CCDC57: variants seen among roughly 807,000 people sequenced by gnomAD.
The protein encoded by CCDC57 is coiled-coil domain-containing protein 57.
A neutral mutation model predicts 118.9 loss-of-function variants in CCDC57; 118 were observed. The observed-to-expected ratio is 0.99, with a 90% CI of 0.86 to 1.16. The LOEUF (loss-of-function observed/expected upper bound fraction) is 1.16. CCDC57 is among the 50% of genes most tolerant of loss of function. The pLI is 0.00. For missense variants in CCDC57, 1,300 were observed against 1,320.7 expected (o/e 0.98, Z 0.24); for synonymous variants, 527 against 532.9 (o/e 0.99, Z 0.15).
intron 19 of CCDC57, among the ~76,000 whole-genome samples, chr17:82,104,537 A>T (rs1236245110): frequency 1.3e-5 from 2 of 151,974 alleles, no homozygotes; most frequent in East Asian, 1.9e-4. Context: ...AGGGTTTTTT[A>T]AATTTTTATT....
chr17:82,206,595 ATCTCCCCTTACG>A (rs2049680154), intron 2 of CCDC57, among the ~76,000 whole-genome samples: 1 of 151,912 alleles, frequency 6.6e-6, no homozygotes, highest in Non-Finnish European at 1.5e-5. Flanking sequence ...CTTCCCCCAT[ATCTCCCCTTACG>A]CATCTCCTCA....
chr17:82,212,392 CCTCTCTTTTTTTT>C lies in CCDC57; in HGVS notation c.-211+380_-211+392del, dbSNP rs1213412559. 5.8e-5 allele frequency among the ~76,000 whole-genome samples: 1 copy of C among 17,212 alleles called. No homozygotes were observed. Among genetic ancestry groups the C allele is most frequent in the African/African-American group, 4.2e-4 (1 of 2,378 alleles). 11.3% of individuals were successfully genotyped at this position (17,212 alleles called of 152,430 possible). A position where few individuals can be genotyped will look rare whatever the true frequency, so the allele number is the denominator to read the frequency against. On this transcript the variant is annotated intron_variant, in intron 1 of 19. Transcript: ENST00000665763. This position sits in a 1 kb window ranked among gnomAD's most constrained non-coding sequence, Gnocchi z 4.1. ...ACCACCGCCTCCGGCCTTTTTTTTT[CCTCTCTTTTTTTT>C]TTTTTTTTTTTAAACTCACAGACAC...
chr17:82,144,409 T>A (rs2040438684), intron 16 of CCDC57, among the ~76,000 whole-genome samples: 1 of 152,140 alleles, frequency 6.6e-6, no homozygotes, highest in Admixed American at 6.5e-5. Context: ...TAGCATGTAC[T>A]CCCCACAGAC....
chr17:82,175,711 C>T (rs1233779101), intron 11 of CCDC57: 3 of 152,228 alleles, frequency 2.0e-5, no homozygotes, highest in Non-Finnish European at 2.9e-5. Context: ...CGGAACACGT[C>T]GTCAGGACCT....
chr17:82,146,862 C>T (rs142335194), intron 16 of CCDC57, among the ~76,000 whole-genome samples: 13 of 152,296 alleles, frequency 8.5e-5, no homozygotes, highest in African/African-American at 2.4e-4. Flanking sequence ...TGCACACAAA[C>T]GCTTGTGCAG....
intron 19 of CCDC57, among the ~76,000 whole-genome samples, chr17:82,122,452 T>TG (rs1314960993): frequency 6.6e-6 from 1 of 151,990 alleles, no homozygotes; most frequent in East Asian, 1.9e-4. Flanking sequence ...GGAGGGCAGG[T>TG]GCTCGTGGTT....
intron 16 of CCDC57, among the ~76,000 whole-genome samples, chr17:82,134,627 C>T (rs1010566141): frequency 6.6e-6 from 1 of 152,056 alleles, no homozygotes; most frequent in Non-Finnish European, 1.5e-5. Flanking sequence ...AACTCCGTCT[C>T]TACTAAAAAT....
chr17:82,152,998 G>A (rs2042243729), intron 15 of CCDC57, among the ~76,000 whole-genome samples: 1 of 152,240 alleles, frequency 6.6e-6, no homozygotes, highest in African/African-American at 2.4e-5. Context: ...GACGGGTGCA[G>A]GGCAGCCCCC....
In CCDC57 at chr17:82,178,569, G is replaced by A. The variant is rs759481885; in HGVS notation, c.1411C>T (p.Gln471Ter). 3 of 1,613,214 alleles carry A rather than the reference G, an allele frequency of 1.9e-6. No homozygotes were observed. The highest frequency in any genetic ancestry group is 1.7e-5 in the Admixed American group (1 of 59,992). ...GCCTTCAGCACCACCTCCTGCTCCT[G>A]TAGCGCCTGCTCTGTCTCCTGCAGC... The change falls in exon 11 of 20, where the codon CAG (glutamine) becomes TAG (stop). Residue 471 changes from glutamine to a stop codon, truncating the protein, a stop_gained. Coordinates refer to ENST00000665763, the Ensembl canonical transcript of CCDC57. LOFTEE classifies it high-confidence loss of function.
rs546751130 is a variant in CCDC57 at position 82,118,555 on chromosome 17, T to C, written c.2899+9137A>G. On this transcript the variant is annotated intron_variant, in intron 19 of 19. Coordinates refer to ENST00000665763, the Ensembl canonical transcript of CCDC57. This position sits in a 1 kb window ranked among gnomAD's most constrained non-coding sequence, Gnocchi z 4.7. ...CCTGTACCGGCTCCTGAAAGGACAT[T>C]TGGGCACTTGATACACACCCATAAG... is the stretch of plus-strand genomic sequence containing the variant. Among the ~76,000 whole-genome samples, 1 of 152,154 alleles carries C rather than the reference T, an allele frequency of 6.6e-6. No individual in the cohort carries two copies. Among genetic ancestry groups the C allele is most frequent in the Admixed American group, 6.5e-5 (1 of 15,270 alleles).
In CCDC57 at chr17:82,187,111, C is replaced by T. The variant is rs550756681; in HGVS notation, c.1052+1108G>A. On this transcript the variant is annotated intron_variant, in intron 8 of 19. Coordinates refer to ENST00000665763, the Ensembl canonical transcript of CCDC57. ...AATTAGCCGGGCATAGTGGTATATG[C>T]CCGTAATGCCAGCTACTTGGGAGGC... Among the ~76,000 whole-genome samples, 7 of 151,576 alleles carry T rather than the reference C, an allele frequency of 4.6e-5. No homozygotes were observed. In the South Asian group the frequency reaches 1.3e-3, roughly 27 times the overall value.
intron 2 of CCDC57, among the ~76,000 whole-genome samples, chr17:82,203,082 T>C (rs1483079598): frequency 6.6e-6 from 1 of 152,174 alleles, no homozygotes; most frequent in Non-Finnish European, 1.5e-5. Flanking sequence ...TGGGAGGTGT[T>C]TGGATCATGT....
intron 19 of CCDC57, among the ~76,000 whole-genome samples, chr17:82,111,685 CA>C (rs2035261998): frequency 6.6e-6 from 1 of 152,098 alleles, no homozygotes; most frequent in African/African-American, 2.4e-5. Context: ...CGGCTCACTG[CA>C]ACCTCTAGCT....
chr17:82,132,905 G>A (rs1426758510), intron 17 of CCDC57, among the ~76,000 whole-genome samples: 1 of 151,890 alleles, frequency 6.6e-6, no homozygotes, highest in African/African-American at 2.4e-5. Context: ...GATTACAGGC[G>A]AGTGCCACCA....
Position 82,151,709 on chromosome 17 carries a change from G to C in CCDC57, c.2306C>G (p.Ser769Ter). Residue 769 changes from serine to a stop codon, truncating the protein, a stop_gained, in exon 16 of 20, where the codon TCA (serine) becomes TGA (stop). Coordinates refer to ENST00000665763, the Ensembl canonical transcript of CCDC57. LOFTEE classifies it high-confidence loss of function. Reference sequence around the variant, plus strand: ...TAAGGTCTGGGGGGCACGTGCCACTGACCGGAGGTGCAGGAAAAGCTCCCC... The same window carrying C: ...TAAGGTCTGGGGGGCACGTGCCACTCACCGGAGGTGCAGGAAAAGCTCCCC... 1.3e-6 allele frequency: 2 copies of C among 1,550,338 alleles called. No individual in the cohort carries two copies. Among genetic ancestry groups the C allele is most frequent in the Non-Finnish European group, 1.7e-6 (2 of 1,146,974 alleles).
At chr17:82,187,174 T>C (rs1294961957) in intron 8 of CCDC57, among the ~76,000 whole-genome samples, 1 of 139,456 alleles carries the variant, frequency 7.2e-6, no homozygotes, top group Non-Finnish European at 1.5e-5. Flanking sequence ...GAAGTGGAGG[T>C]TGCGGTGAGC....
intron 16 of CCDC57, among the ~76,000 whole-genome samples, chr17:82,140,234 C>T (rs1364938512): frequency 1.4e-4 from 21 of 152,044 alleles, no homozygotes; most frequent in Admixed American, 1.2e-3. Flanking sequence ...TACAGATGCC[C>T]GCCACCACGC....
chr17:82,114,080 G>A (rs184699380), intron 19 of CCDC57, among the ~76,000 whole-genome samples: 195 of 152,344 alleles, frequency 1.3e-3, no homozygotes, highest in East Asian at 6.6e-3. Context: ...CCCTGAGGGG[G>A]TTCCCTCGTC....
At chr17:82,149,201 G>A (rs1463368317) in intron 16 of CCDC57, among the ~76,000 whole-genome samples, 1 of 143,442 alleles carries the variant, frequency 7.0e-6, no homozygotes, top group Non-Finnish European at 1.5e-5. Context: ...GGATGGATGA[G>A]TGGGTGGATG....
Sources: allele counts gnomAD v4.1 joint callset (sites outside exome capture counted in the v4.1 genomes callset), GRCh38; gene constraint gnomAD v4.1.1; non-coding constraint Gnocchi (gnomAD v3.1); transcripts MANE v1.5; gene names NCBI Gene and HGNC (gene_info 2026-07-23, HGNC 2026-07-21).